The following COL22A1 variants were observed in gnomAD, a reference collection of about 807,000 sequenced individuals.
The protein encoded by COL22A1 is collagen alpha-1(XXII) chain.
A neutral mutation model predicts 248.9 loss-of-function variants in COL22A1; 221 were observed. The observed-to-expected ratio is 0.89, with a 90% confidence interval of 0.80 to 0.99. COL22A1 has a LOEUF of 0.99. COL22A1 is among the 50% of genes least tolerant of loss of function. The pLI is 0.00. For missense variants in COL22A1, 2,240 were observed against 2,179.0 expected (o/e 1.03, Z -0.56); for synonymous variants, 891 against 793.4 (o/e 1.12, Z -2.07).
chr8:138,880,441 A>G (rs1043914452), intron 2 of COL22A1, among the ~76,000 whole-genome samples: 17 of 152,204 alleles, frequency 1.1e-4, no homozygotes, highest in African/African-American at 3.1e-4. Context: ...AGTGAATTTT[A>G]TTTTTTGTAT....
chr8:138,643,667 C>G (rs200905078), intron 47 of COL22A1, among the ~76,000 whole-genome samples: 4 of 85,664 alleles, frequency 4.7e-5, no homozygotes, highest in East Asian at 4.2e-4. Flanking sequence ...GATAGATAGA[C>G]AGATAGATTG....
intron 45 of COL22A1, among the ~76,000 whole-genome samples, chr8:138,655,512 CCA>C (rs1171072091): frequency 6.6e-6 from 1 of 152,178 alleles, no homozygotes; most frequent in Non-Finnish European, 1.5e-5. Flanking sequence ...GCACATGTCA[CCA>C]CATCAAGCTA....
Position 138,616,048 on chromosome 8 carries a change from A to C in COL22A1, c.3877T>G (p.Ser1293Ala). ...DSGAPGPRGE[S>A]GAMGLPGQEG... Reference sequence around the variant, plus strand: ...TGACCAGGAAGCCCCATGGCACCAGACTCTCCCTAGGAACAAAAAAGCCTG... The same window carrying C: ...TGACCAGGAAGCCCCATGGCACCAGCCTCTCCCTAGGAACAAAAAAGCCTG... The change falls in exon 55 of 65, where the codon TCT becomes GCT. Residue 1293 changes from serine to alanine, a missense_variant. By Grantham distance (99) the Ser-to-Ala change is moderately conservative (BLOSUM62 1). Coordinates refer to ENST00000303045, the MANE Select transcript of COL22A1 (RefSeq NM_152888.3). 6.2e-7 allele frequency: 1 copy of C among 1,612,724 alleles called. No individual in the cohort carries two copies. Among genetic ancestry groups the C allele is most frequent in the Non-Finnish European group, 8.5e-7 (1 of 1,179,414 alleles).
chr8:138,705,907 C>T (rs1306376457), intron 30 of COL22A1, among the ~76,000 whole-genome samples: 3 of 152,070 alleles, frequency 2.0e-5, no homozygotes, highest in East Asian at 1.9e-4. Flanking sequence ...CAGAGACACA[C>T]ATAGGCTCAA....
At chr8:138,599,213 G>A (rs556248429) in intron 60 of COL22A1, among the ~76,000 whole-genome samples, 14 of 152,242 alleles carry the variant, frequency 9.2e-5, no homozygotes, top group Non-Finnish European at 1.8e-4. Context: ...GTGGTGGCAG[G>A]CGCCTGTAGT....
intron 3 of COL22A1, among the ~76,000 whole-genome samples, chr8:138,872,639 G>A (rs529626700): frequency 1.2e-4 from 18 of 152,320 alleles, no homozygotes; most frequent in Admixed American, 1.0e-3. Flanking sequence ...CCTTGTCCTC[G>A]GCCTCCGCCC....
intron 25 of COL22A1, among the ~76,000 whole-genome samples, chr8:138,723,023 C>T (rs1830019656): frequency 1.3e-5 from 2 of 151,734 alleles, no homozygotes; most frequent in Admixed American, 6.6e-5. Flanking sequence ...ATGTAACAAG[C>T]TTGCACATCC....
chr8:138,896,466 C>G (rs1438238405), intron 1 of COL22A1, among the ~76,000 whole-genome samples: 2 of 151,664 alleles, frequency 1.3e-5, no homozygotes. Context: ...GAAGCAACCA[C>G]TAAAAAATAC....
intron 12 of COL22A1, among the ~76,000 whole-genome samples, chr8:138,790,544 C>T (rs1021996630): frequency 1.3e-5 from 2 of 152,206 alleles, no homozygotes; most frequent in East Asian, 1.9e-4. Flanking sequence ...TTCCTCCTCC[C>T]GCTCTGCAGT....
intron 3 of COL22A1, among the ~76,000 whole-genome samples, chr8:138,873,758 A>G (rs1191994828): frequency 2.0e-5 from 3 of 151,648 alleles, no homozygotes; most frequent in Non-Finnish European, 4.4e-5. Flanking sequence ...GAATGAATGA[A>G]TGAATGAATG....
chr8:138,735,365 C>T (rs930926643), intron 23 of COL22A1, among the ~76,000 whole-genome samples: 3 of 152,140 alleles, frequency 2.0e-5, no homozygotes, highest in Non-Finnish European at 4.4e-5. Context: ...TGCACAATTA[C>T]AGGGTGCTAC....
chr8:138,768,881 G>A (rs907624003), intron 16 of COL22A1, among the ~76,000 whole-genome samples: 1 of 152,048 alleles, frequency 6.6e-6, no homozygotes, highest in Admixed American at 6.5e-5. Context: ...AGGTTTCAGT[G>A]AGCCGAGATA....
At chr8:138,609,080 G>A (rs1818655275) in intron 56 of COL22A1, among the ~76,000 whole-genome samples, 1 of 152,224 alleles carries the variant, frequency 6.6e-6, no homozygotes, top group African/African-American at 2.4e-5. Context: ...TGGATTCACG[G>A]AAGCATGTTC....
intron 39 of COL22A1, among the ~76,000 whole-genome samples, chr8:138,683,922 G>A (rs1222350899): frequency 6.6e-6 from 1 of 152,110 alleles, no homozygotes; most frequent in African/African-American, 2.4e-5. Flanking sequence ...ATTAAGTACC[G>A]ATTATATGAC....
chr8:138,724,616 G>A lies in COL22A1; in HGVS notation c.2246C>T (p.Thr749Met), dbSNP rs370563319. The A allele has an allele frequency of 1.4e-5, 23 of 1,613,892 alleles. No individual in the cohort carries two copies. The highest frequency in any genetic ancestry group is 3.3e-5 in the Admixed American group (2 of 60,006). Reference sequence around the variant, plus strand: ...AGGAAGATGTTTCCGAACACTCACCGTGGGCCCAGGAGGTCCAGGCTTTCC... The same window carrying A: ...AGGAAGATGTTTCCGAACACTCACCATGGGCCCAGGAGGTCCAGGCTTTCC... Reference protein sequence around the residue: ...FPGKPGPPGPTGPPGKDGPNG... With the variant: ...FPGKPGPPGPMGPPGKDGPNG... Residue 749 changes from threonine (T) to methionine (M), a missense_variant and splice_region_variant, in exon 25 of 65, where the codon ACG (threonine) becomes ATG (methionine). Physicochemically the swap from Thr to Met is moderately conservative, Grantham distance 81. Transcript: ENST00000303045.
At chr8:138,848,555 G>A (rs568647257) in intron 3 of COL22A1, among the ~76,000 whole-genome samples, 4 of 152,260 alleles carry the variant, frequency 2.6e-5, no homozygotes, top group African/African-American at 9.6e-5. Flanking sequence ...CTATGTTGAC[G>A]CAACCATGGT....
At chr8:138,676,141 A>C (rs974642138) in intron 41 of COL22A1, among the ~76,000 whole-genome samples, 2 of 152,104 alleles carry the variant, frequency 1.3e-5, no homozygotes, top group African/African-American at 2.4e-5. Context: ...TCACGTCTGT[A>C]ATCCCAGCAC....
At chr8:138,798,918 G>C (rs1816774643) in intron 11 of COL22A1, among the ~76,000 whole-genome samples, 3 of 152,116 alleles carry the variant, frequency 2.0e-5, no homozygotes, top group Non-Finnish European at 4.4e-5. Flanking sequence ...TTATTTGTTT[G>C]AATACTTTTC....
At chr8:138,623,168 A>T (rs1452898288) in intron 52 of COL22A1, among the ~76,000 whole-genome samples, 2 of 151,680 alleles carry the variant, frequency 1.3e-5, no homozygotes, top group Non-Finnish European at 2.9e-5. Context: ...GACAGCTGAC[A>T]TTAAACAAAA....
Sources: allele counts gnomAD v4.1 joint callset (sites outside exome capture counted in the v4.1 genomes callset), GRCh38; gene constraint gnomAD v4.1.1; transcripts MANE v1.5; gene names NCBI Gene and HGNC (gene_info 2026-07-23, HGNC 2026-07-21).